Variants in RTL4 observed in about 807,000 individuals in gnomAD.
RTL4 encodes the protein retrotransposon Gag like 4, also known as retrotransposon Gag-like protein 4.
Under a neutral mutation model 5.3 loss-of-function variants are expected in RTL4, and 4 were observed. The observed-to-expected ratio is 0.75, with a 90% CI of 0.37 to 1.72. The LOEUF (loss-of-function observed/expected upper bound fraction) is 1.72, where lower values mean the gene tolerates loss of function less well. Among genes scored for constraint, RTL4 ranks in the 40% most tolerant of loss-of-function variants. The pLI is 0.04. For missense variants in RTL4, 260 were observed against 227.1 expected, an observed-to-expected ratio of 1.14 and a Z score of -0.93; for synonymous variants, 98 against 87.3, an observed-to-expected ratio of 1.12 and a Z score of -0.68.
the RTL4 span, among the ~76,000 whole-genome samples, chrX:112,435,199 AT>A: frequency 4.0e-4 from 45 of 111,292 alleles, no homozygotes; most frequent in Non-Finnish European, 7.2e-4. Flanking sequence ...CCAAAACCAT[AT>A]TACTGGGTAA....
chrX:112,269,611 A>C, the RTL4 span, among the ~76,000 whole-genome samples: 2 of 112,226 alleles, frequency 1.8e-5, no homozygotes, highest in Non-Finnish European at 3.8e-5. Flanking sequence ...TCAGTTGAAG[A>C]AACTGAGGTT....
the RTL4 span, among the ~76,000 whole-genome samples, chrX:112,435,477 G>A: frequency 4.5e-5 from 5 of 112,004 alleles, no homozygotes; most frequent in African/African-American, 1.6e-4. Flanking sequence ...TGTCTTTGGG[G>A]AGAATTTGTT....
the RTL4 span, among the ~76,000 whole-genome samples, chrX:112,325,853 A>C: frequency 8.9e-6 from 1 of 112,306 alleles, no homozygotes; most frequent in Non-Finnish European, 1.9e-5. Flanking sequence ...CTACCATCAG[A>C]GTGAACACGC....
the RTL4 span, among the ~76,000 whole-genome samples, chrX:112,169,572 G>C: frequency 9.0e-6 from 1 of 111,668 alleles, no homozygotes; most frequent in African/African-American, 3.3e-5. Context: ...GTTAATAAGG[G>C]ACCTTGGGCT....
At chrX:112,207,072 T>C in the RTL4 span, among the ~76,000 whole-genome samples, 874 of 111,985 alleles carry the variant, frequency 7.8e-3, 6 homozygotes, top group African/African-American at 0.027. Flanking sequence ...CAAGTTACCA[T>C]CATTGCTCAC....
the RTL4 span, among the ~76,000 whole-genome samples, chrX:112,098,462 TG>T: frequency 1.8e-5 from 2 of 111,811 alleles, no homozygotes; most frequent in Non-Finnish European, 3.8e-5. Flanking sequence ...TATAATCCTT[TG>T]GGTATATACC....
the RTL4 span, among the ~76,000 whole-genome samples, chrX:112,133,919 C>T: frequency 8.9e-6 from 1 of 111,806 alleles, no homozygotes; most frequent in African/African-American, 3.2e-5. Context: ...TGCTCTCTTG[C>T]TCAGTAATTT....
the RTL4 span, among the ~76,000 whole-genome samples, chrX:112,118,120 A>T: frequency 8.9e-6 from 1 of 112,317 alleles, no homozygotes; most frequent in Non-Finnish European, 1.9e-5. Context: ...TTGCTTTCAT[A>T]AGAAATCACA....
the RTL4 span, among the ~76,000 whole-genome samples, chrX:112,142,007 C>A: frequency 9.0e-6 from 1 of 111,300 alleles, no homozygotes; most frequent in African/African-American, 3.3e-5. Flanking sequence ...GACAAGGAAC[C>A]GGGAAGATAA....
At chrX:112,132,526 TAC>T in the RTL4 span, among the ~76,000 whole-genome samples, 11 of 111,461 alleles carry the variant, frequency 9.9e-5, no homozygotes, top group African/African-American at 3.3e-4. Context: ...CATACATACA[TAC>T]ATACAAATTT....
chrX:112,319,034 ATAC>A, the RTL4 span, among the ~76,000 whole-genome samples: 1 of 111,908 alleles, frequency 8.9e-6, no homozygotes, highest in African/African-American at 3.2e-5. Context: ...CAGTAAAGAA[ATAC>A]TACAGGCTTG....
the RTL4 span, among the ~76,000 whole-genome samples, chrX:112,266,706 G>C: frequency 9.0e-6 from 1 of 111,141 alleles, no homozygotes; most frequent in African/African-American, 3.3e-5. Flanking sequence ...GATAATATCA[G>C]TACCTTCTCC....
At chrX:112,453,868 G>A (rs1359106604), upstream of RTL4, among the ~76,000 whole-genome samples, 3 of 111,387 alleles carry the variant, frequency 2.7e-5, no homozygotes, top group Non-Finnish European at 5.6e-5. Context: ...CCAGGTGCAC[G>A]AACCATCATC....
the RTL4 span, among the ~76,000 whole-genome samples, chrX:112,435,084 G>A: frequency 4.5e-5 from 5 of 110,859 alleles, no homozygotes; most frequent in Non-Finnish European, 9.4e-5. Flanking sequence ...AACAGCATGG[G>A]GGAAACTGCC....
At chrX:112,321,287 C>G in the RTL4 span, among the ~76,000 whole-genome samples, 1 of 111,544 alleles carries the variant, frequency 9.0e-6, no homozygotes, top group Admixed American at 9.5e-5. Flanking sequence ...CCTGTAATCC[C>G]AGCACTTGGG....
the RTL4 span, among the ~76,000 whole-genome samples, chrX:112,177,726 A>G: frequency 9.0e-6 from 1 of 111,039 alleles, no homozygotes. Context: ...TAGGTTGTAC[A>G]TGTTGTCTAA....
At chrX:112,329,620 A>G in the RTL4 span, among the ~76,000 whole-genome samples, 1 of 110,606 alleles carries the variant, frequency 9.0e-6, no homozygotes, top group African/African-American at 3.3e-5. Context: ...AACTATTCCA[A>G]TCAATAGAAA....
the RTL4 span, among the ~76,000 whole-genome samples, chrX:112,110,037 C>T: frequency 3.6e-4 from 40 of 111,628 alleles, no homozygotes; most frequent in African/African-American, 1.0e-3. Context: ...GGCCCGAAGG[C>T]GAGTAATAGC....
At chrX:112,114,979 C>A in the RTL4 span, among the ~76,000 whole-genome samples, 1 of 111,110 alleles carries the variant, frequency 9.0e-6, no homozygotes, top group East Asian at 2.8e-4. Context: ...GGCCATAGTG[C>A]AGAAAAAAAT....
Sources: gnomAD v4.1 joint callset for allele counts (sites outside exome capture counted in the v4.1 genomes callset) on GRCh38, gnomAD v4.1.1 for gene constraint, MANE v1.5 for transcripts, NCBI Gene and HGNC (gene_info 2026-07-23, HGNC 2026-07-21) for gene names.